The following EVC variants were observed in gnomAD, a reference collection of about 807,000 sequenced individuals.
The protein encoded by EVC is EvC ciliary complex subunit 1.
Under a neutral mutation model 118.9 loss-of-function variants are expected in EVC, and 116 were observed. That is an observed-to-expected ratio of 0.98 (90% CI 0.84 to 1.14). The LOEUF is 1.14. Ranked by LOEUF, EVC falls within the 50% of genes most tolerant of loss-of-function variation. The pLI is 0.00. For synonymous variants in EVC, 619 were observed against 534.7 expected (o/e 1.16, Z -2.18); for missense variants, 1,401 against 1,246.4 (o/e 1.12, Z -1.87).
chr4:5,748,010 T>A, intron 7 of EVC, 138 bp from the exon 8 acceptor site: 1 of 979,800 alleles, frequency 1.0e-6, no homozygotes, highest in Non-Finnish European at 1.6e-6. Context: ...GTTGCCAAGA[T>A]AAACTCACTG....
At chr4:5,793,761 G>T in intron 13 of EVC, 44 bp downstream of exon 13, 5 of 1,440,816 alleles carry the variant, frequency 3.5e-6, no homozygotes, top group Non-Finnish European at 4.8e-6. Flanking sequence ...TGTCCTGCAT[G>T]ATGCTCCCTC....
chr4:5,729,241 A>G, intron 2 of EVC, 66 bp from the exon 3 acceptor site: 1 of 1,524,092 alleles, frequency 6.6e-7, no homozygotes, highest in East Asian at 2.2e-5. Flanking sequence ...CATTTTGGAA[A>G]AACTTGACAA....
At chr4:5,715,570 G>A (rs1028852374) in intron 1 of EVC, among the ~76,000 whole-genome samples, 3 of 152,130 alleles carry the variant, frequency 2.0e-5, no homozygotes, top group African/African-American at 7.2e-5. Context: ...TAATTTCATT[G>A]CATGCCTGGA....
At chr4:5,751,179 C>A (rs1260697030) in intron 8 of EVC, among the ~76,000 whole-genome samples, 1 of 152,166 alleles carries the variant, frequency 6.6e-6, no homozygotes, top group East Asian at 1.9e-4. Flanking sequence ...CTTACTTAAT[C>A]CTCATGTCAA....
chr4:5,825,844 C>T, the EVC span: 1 of 603,702 alleles, frequency 1.7e-6, no homozygotes, highest in South Asian at 2.1e-5. The surrounding 1 kb of genome is among the most constrained non-coding windows in gnomAD (Gnocchi z 4.4). Flanking sequence ...CACAGGCATT[C>T]ATACACACAA....
At chr4:5,748,601 CACCCATCCAT>C (rs1729786820) in intron 8 of EVC, among the ~76,000 whole-genome samples, 1 of 112,432 alleles carries the variant, frequency 8.9e-6, no homozygotes, top group African/African-American at 3.5e-5. Context: ...TCCATCCATC[CACCCATCCAT>C]CCACCCACCC....
At chr4:5,815,471 G>A (rs1225449377), downstream of EVC, among the ~76,000 whole-genome samples, 1 of 152,214 alleles carries the variant, frequency 6.6e-6, no homozygotes, top group Non-Finnish European at 1.5e-5. Flanking sequence ...ACGGGAAATG[G>A]GGGAAATGTG....
At chr4:5,736,823 A>G (rs1727768383) in intron 5 of EVC, among the ~76,000 whole-genome samples, 1 of 152,126 alleles carries the variant, frequency 6.6e-6, no homozygotes, top group Non-Finnish European at 1.5e-5. Context: ...GGGCCTCCCT[A>G]TTTCTTGAGA....
chr4:5,763,005 A>T (rs1191014494), intron 11 of EVC, among the ~76,000 whole-genome samples: 1 of 103,966 alleles, frequency 9.6e-6, no homozygotes, highest in African/African-American at 3.8e-5. Flanking sequence ...GGTAATGCCT[A>T]GGTTTTCTTC....
the EVC span, among the ~76,000 whole-genome samples, chr4:5,827,732 TGC>T: frequency 8.9e-6 from 1 of 111,876 alleles, no homozygotes; most frequent in Non-Finnish European, 1.6e-5. Flanking sequence ...CATGTGCGCG[TGC>T]ACACACACAC....
At chr4:5,736,811 T>C (rs1156439451) in intron 5 of EVC, among the ~76,000 whole-genome samples, 1 of 152,188 alleles carries the variant, frequency 6.6e-6, no homozygotes, top group Non-Finnish European at 1.5e-5. Context: ...TTCCCTCTCC[T>C]TGGGCCTCCC....
chr4:5,717,077 C>T lies in EVC; in HGVS notation c.175-2171C>T, dbSNP rs114568047. Among the ~76,000 whole-genome samples the T allele has an allele frequency of 8.2e-3, 1,245 of 152,176 alleles. 21 individuals carry two copies. Among genetic ancestry groups the T allele is most frequent in the African/African-American group, 0.028 (1,183 of 41,518 alleles). Reference sequence around the variant, plus strand: ...TGATTCTTTTCCTTTTATACGTTTTCTTCTTCCAAGAACTCCTATCACTTT... The same window carrying T: ...TGATTCTTTTCCTTTTATACGTTTTTTTCTTCCAAGAACTCCTATCACTTT... On this transcript the variant is annotated intron_variant, in intron 1 of 20. Coordinates refer to ENST00000264956, the MANE Select transcript of EVC (RefSeq NM_153717.3).
In EVC at chr4:5,756,232, T is replaced by G. The variant is rs776195932; in HGVS notation, c.1465-32T>G. On this transcript the variant is annotated intron_variant, in intron 10 of 20. Transcript: ENST00000264956. The surrounding 1 kb of genome is among the most constrained non-coding windows in gnomAD (Gnocchi z 4.2). ...AAAAAAAAAAAAAACCCTGCATGTTTCTACCAGACTCAGCTCTTGTTTTCC... is the reference window on the plus strand; with the variant it reads ...AAAAAAAAAAAAAACCCTGCATGTTGCTACCAGACTCAGCTCTTGTTTTCC... 48 of 1,548,538 alleles carry G rather than the reference T, an allele frequency of 3.1e-5. No individual in the cohort carries two copies. Among genetic ancestry groups the G allele is most frequent in the Non-Finnish European group, 4.1e-5 (46 of 1,129,646 alleles).
intron 2 of EVC, among the ~76,000 whole-genome samples, chr4:5,720,459 G>C (rs1108760): frequency 6.6e-6 from 1 of 152,078 alleles, no homozygotes; most frequent in Non-Finnish European, 1.5e-5. Flanking sequence ...AGAGTGCTGC[G>C]TCCCCACACC....
In EVC at chr4:5,715,740, C is replaced by CCTTTTTTTTTTTTTTTTTT. The variant is rs1553860016; in HGVS notation, c.175-3508_175-3507insCTTTTTTTTTTTTTTTTTT. 1.4e-4 allele frequency among the ~76,000 whole-genome samples: 10 copies of CCTTTTTTTTTTTTTTTTTT among 70,992 alleles called. 5 individuals are homozygous for CCTTTTTTTTTTTTTTTTTT. The highest frequency in any genetic ancestry group is 1.2e-4 in the Non-Finnish European group (4 of 33,134). 46.6% of individuals were successfully genotyped at this position (70,992 alleles called of 152,430 possible). On this transcript the variant is annotated intron_variant, in intron 1 of 20. Coordinates refer to ENST00000264956, the MANE Select transcript of EVC (RefSeq NM_153717.3). The stretch of plus-strand genomic sequence containing the variant: ...AATTTCGAAGGCATTTTTCCATTGT[C>CCTTTTTTTTTTTTTTTTTT]TTTTTTTTTTTTTTTTTTTTTGAGA...
rs539677407 is a variant in EVC at position 5,737,742 on chromosome 4, C to A, written c.703-3974C>A. Reference sequence around the variant, plus strand: ...ACTGCCCAGAAAATAAACTTCTTTTCAAAATGTTACTGGTCATTTTCAAAA... The same window carrying A: ...ACTGCCCAGAAAATAAACTTCTTTTAAAAATGTTACTGGTCATTTTCAAAA... On this transcript the variant is annotated intron_variant, in intron 5 of 20. Coordinates refer to ENST00000264956, the MANE Select transcript of EVC (RefSeq NM_153717.3). This position sits in a 1 kb window ranked among gnomAD's most constrained non-coding sequence, Gnocchi z 5.0. Among the ~76,000 whole-genome samples the A allele has an allele frequency of 2.0e-5, 3 of 152,238 alleles. No individual in the cohort carries two copies. In the South Asian group the frequency reaches 6.2e-4, roughly 32 times the overall value.
rs56193413 is a variant in EVC, at chr4:5,748,080, C to T, written c.940-68C>T. On this transcript the variant is annotated intron_variant, in intron 7 of 20. Coordinates refer to ENST00000264956, the MANE Select transcript of EVC (RefSeq NM_153717.3). Reference sequence around the variant, plus strand: ...TAGGGAGTGAATTGTAATTCCCGAGCACGCACCGTTTGGCTTTCTTAAGTA... The same window carrying T: ...TAGGGAGTGAATTGTAATTCCCGAGTACGCACCGTTTGGCTTTCTTAAGTA... The T allele has an allele frequency of 0.037, 56,243 of 1,524,926 alleles. 1,246 individuals carry two copies. Among genetic ancestry groups the T allele is most frequent in the Non-Finnish European group, 0.04 (44,550 of 1,105,350 alleles). The allele number at this position is 1,524,926 out of a possible 1,614,324, so 94.5% of individuals were successfully genotyped here. A position where few individuals can be genotyped will look rare whatever the true frequency, so the allele number is the denominator to read the frequency against.
intron 20 of EVC, 76 bp from the exon 21 acceptor site, chr4:5,810,877 C>T (rs1716801562): frequency 5.2e-6 from 7 of 1,344,206 alleles, no homozygotes; most frequent in South Asian, 1.2e-5. Flanking sequence ...TCATTTAATC[C>T]GATTGGGTAA....
intron 6 of EVC, among the ~76,000 whole-genome samples, chr4:5,744,510 G>A (rs1697981536): frequency 6.6e-6 from 1 of 152,180 alleles, no homozygotes; most frequent in East Asian, 1.9e-4. Context: ...TCATTTGAGA[G>A]AGTCAGGAGG....
Sources: gnomAD v4.1 joint callset for allele counts (sites outside exome capture counted in the v4.1 genomes callset) on GRCh38, gnomAD v4.1.1 for gene constraint, Gnocchi (gnomAD v3.1) non-coding constraint, MANE v1.5 for transcripts, NCBI Gene and HGNC (gene_info 2026-07-23, HGNC 2026-07-21) for gene names.